NFIB: variants seen among roughly 807,000 people sequenced by gnomAD.
NFIB encodes nuclear factor 1 B-type.
In NFIB, 11 loss-of-function variants were observed where a neutral mutation model predicts 61.5. That is an observed-to-expected ratio of 0.18 (90% CI 0.11 to 0.30). The LOEUF is 0.30. NFIB is among the 10% of genes least tolerant of loss of function. NFIB has a pLI of 1.00. For synonymous variants in NFIB, 260 were observed against 216.5 expected, an observed-to-expected ratio of 1.20 and a Z score of -1.76; for missense variants, 471 against 608.9, an observed-to-expected ratio of 0.77 and a Z score of 2.38.
chr9:14,334,435 T>C (rs915396259), intron 1 of NFIB, among the ~76,000 whole-genome samples: 2 of 152,242 alleles, frequency 1.3e-5, no homozygotes, highest in African/African-American at 4.8e-5. Context: ...AAATGACTGA[T>C]GAGGCTGAGC....
At chr9:14,110,696 T>C (rs1231213653) in intron 10 of NFIB, among the ~76,000 whole-genome samples, 1 of 152,130 alleles carries the variant, frequency 6.6e-6, no homozygotes, top group African/African-American at 2.4e-5. Flanking sequence ...TCTGTTTCTT[T>C]ATTCCTGGAT....
At chr9:14,369,787 C>T (rs2061338781) in intron 1 of NFIB, among the ~76,000 whole-genome samples, 4 of 152,172 alleles carry the variant, frequency 2.6e-5, no homozygotes, top group Admixed American at 2.6e-4. Flanking sequence ...TAATTCAGTA[C>T]TTCACCATCT....
intron 2 of NFIB, among the ~76,000 whole-genome samples, chr9:14,271,901 C>T (rs867169513): frequency 7.2e-5 from 11 of 152,074 alleles, no homozygotes; most frequent in Non-Finnish European, 1.5e-4. Flanking sequence ...ATTTTTGTCC[C>T]TAGGTACAAA....
At chr9:14,258,869 C>G (rs2056478211) in intron 2 of NFIB, among the ~76,000 whole-genome samples, 1 of 152,154 alleles carries the variant, frequency 6.6e-6, no homozygotes, top group African/African-American at 2.4e-5. Flanking sequence ...TGAAACTGAG[C>G]CCCAGGACTA....
intron 2 of NFIB, among the ~76,000 whole-genome samples, chr9:14,214,494 C>T (rs1319102250): frequency 6.6e-6 from 1 of 152,330 alleles, no homozygotes; most frequent in Admixed American, 6.5e-5. Flanking sequence ...CCCATTTTCA[C>T]CCACACTATC....
chr9:14,404,380 T>G, the NFIB span, among the ~76,000 whole-genome samples: 1 of 152,178 alleles, frequency 6.6e-6, no homozygotes, highest in Non-Finnish European at 1.5e-5. Flanking sequence ...CAGCTCTAGA[T>G]GAAAGCAAAC....
At chr9:14,263,422 T>C (rs916693482) in intron 2 of NFIB, among the ~76,000 whole-genome samples, 6 of 152,182 alleles carry the variant, frequency 3.9e-5, no homozygotes, top group Non-Finnish European at 7.3e-5. Context: ...GTACGTACTC[T>C]TGTTTTTAAA....
the NFIB span, among the ~76,000 whole-genome samples, chr9:14,495,209 C>A: frequency 1.3e-5 from 2 of 152,142 alleles, no homozygotes; most frequent in African/African-American, 4.8e-5. Flanking sequence ...AGGAAGGTCA[C>A]CCTCACACGT....
chr9:14,082,498 G>C lies in NFIB; in HGVS notation c.*5811C>G, dbSNP rs982666293. ...TGAAGACATAATCTACTGCAGCTTT[G>C]AGAAACCTATGCCTGGGATGTAGTT... On this transcript the variant is annotated 3_prime_UTR_variant, in exon 11 of 11. Transcript: ENST00000380953. 2.4e-5 allele frequency: 5 copies of C among 205,760 alleles called. No individual in the cohort carries two copies. The highest frequency in any genetic ancestry group is 1.5e-3 in the Middle Eastern group (1 of 656). The allele number at this position is 205,760 out of a possible 1,614,324, so 12.7% of individuals were successfully genotyped here.
chr9:14,226,169 G>T (rs867792637), intron 2 of NFIB, among the ~76,000 whole-genome samples: 1 of 151,744 alleles, frequency 6.6e-6, no homozygotes, highest in African/African-American at 2.4e-5. Flanking sequence ...ATTGAGATAC[G>T]GATCATCTCC....
At chr9:14,389,849 C>G (rs1270120995) in intron 1 of NFIB, among the ~76,000 whole-genome samples, 1 of 152,128 alleles carries the variant, frequency 6.6e-6, no homozygotes, top group Admixed American at 6.6e-5. Context: ...ACTGATGTAG[C>G]CAGACACATT....
chr9:14,485,799 C>T, the NFIB span, among the ~76,000 whole-genome samples: 58 of 152,060 alleles, frequency 3.8e-4, 2 homozygotes, highest in Admixed American at 2.6e-4. Context: ...CACTCAAACC[C>T]GGGAAGCAGA....
chr9:14,150,026 C>G, intron 5 of NFIB, 119 bp downstream of exon 5: 1 of 1,407,746 alleles, frequency 7.1e-7, no homozygotes, highest in Non-Finnish European at 9.6e-7. Flanking sequence ...AATCTGTGTA[C>G]TACCAGCAAA....
In NFIB at chr9:14,120,332, A is replaced by C; in HGVS notation, c.1245+108T>G. ...AAGCAACTTCCTGAAGATGGATTTC[A>C]AGGCTTGACGTTCTGCCAGACACAC... is the stretch of plus-strand genomic sequence containing the variant. On this transcript the variant is annotated intron_variant, in intron 8 of 10. Coordinates refer to ENST00000380953, the MANE Select transcript of NFIB (RefSeq NM_001190737.2). The surrounding 1 kb of genome is among the most constrained non-coding windows in gnomAD (Gnocchi z 4.4). 2 of 1,227,724 alleles carry C rather than the reference A, an allele frequency of 1.6e-6. No homozygotes were observed. The highest frequency in any genetic ancestry group is 4.7e-5 in the East Asian group (2 of 42,816). 76.1% of individuals were successfully genotyped at this position (1,227,724 alleles called of 1,614,324 possible). A position where few individuals can be genotyped will look rare whatever the true frequency, so the allele number is the denominator to read the frequency against.
At chr9:14,227,155 A>AT (rs1587757911) in intron 2 of NFIB, among the ~76,000 whole-genome samples, 2 of 151,818 alleles carry the variant, frequency 1.3e-5, no homozygotes. Context: ...AAAAAAAAAA[A>AT]AAAGAAAGAA....
intron 1 of NFIB, among the ~76,000 whole-genome samples, chr9:14,363,243 C>T (rs574952910): frequency 3.7e-4 from 56 of 152,292 alleles, no homozygotes; most frequent in African/African-American, 1.3e-3. Context: ...ACCACTGGGA[C>T]TGAGACTACT....
the NFIB span, among the ~76,000 whole-genome samples, chr9:14,515,590 C>A: frequency 6.6e-6 from 1 of 152,124 alleles, no homozygotes; most frequent in South Asian, 2.1e-4. Context: ...GAAACTGAAT[C>A]GTGGGCCCAG....
At chr9:14,184,831 G>C (rs1378062566) in intron 2 of NFIB, among the ~76,000 whole-genome samples, 1 of 152,076 alleles carries the variant, frequency 6.6e-6, no homozygotes, top group Non-Finnish European at 1.5e-5. Flanking sequence ...GACCAGCCTG[G>C]CCAACGTGGT....
chr9:14,227,267 T>C (rs1803521129), intron 2 of NFIB, among the ~76,000 whole-genome samples: 1 of 152,246 alleles, frequency 6.6e-6, no homozygotes, highest in Admixed American at 6.5e-5. Context: ...CCACCTATCA[T>C]TGTCTAAATG....
Sources: allele counts gnomAD v4.1 joint callset (sites outside exome capture counted in the v4.1 genomes callset), GRCh38; gene constraint gnomAD v4.1.1; non-coding constraint Gnocchi (gnomAD v3.1); transcripts MANE v1.5; gene names NCBI Gene and HGNC (gene_info 2026-07-23, HGNC 2026-07-21).